ARSK: variants seen among roughly 807,000 people sequenced by gnomAD.
The protein encoded by ARSK is arylsulfatase family member K, also known as arylsulfatase K.
ARSK carries 37 observed loss-of-function variants against 53.2 expected under a neutral mutation model. The observed-to-expected ratio is 0.70, with a 90% CI of 0.54 to 0.92. The LOEUF (loss-of-function observed/expected upper bound fraction) is 0.92. Ranked by LOEUF, ARSK falls within the 40% of genes least tolerant of loss-of-function variation. The probability of loss-of-function intolerance (pLI) is 0.00; values close to 1 mark genes in which losing one functional copy is unlikely to be tolerated. For missense variants in ARSK, 613 were observed against 643.0 expected, an observed-to-expected ratio of 0.95 and a Z score of 0.51; for synonymous variants, 208 against 223.2, an observed-to-expected ratio of 0.93 and a Z score of 0.61.
At chr5:95,592,514 A>G (rs1749235921) in intron 6 of ARSK, among the ~76,000 whole-genome samples, 1 of 152,048 alleles carries the variant, frequency 6.6e-6, no homozygotes, top group African/African-American at 2.4e-5. Context: ...CCCTTCTCAT[A>G]TAATTACACA....
intron 5 of ARSK, among the ~76,000 whole-genome samples, 154 bp downstream of exon 5, chr5:95,586,887 T>A (rs901167157): frequency 2.6e-5 from 4 of 152,200 alleles, no homozygotes; most frequent in African/African-American, 9.7e-5. Context: ...GCGTTATTGA[T>A]AGAATGAAAA....
intron 5 of ARSK, among the ~76,000 whole-genome samples, chr5:95,587,444 T>C (rs534243617): frequency 1.3e-5 from 2 of 152,218 alleles, no homozygotes; most frequent in Non-Finnish European, 2.9e-5. Context: ...AGCATAATTG[T>C]ACTAGTGAAG....
intron 3 of ARSK, 147 bp from the exon 4 acceptor site, chr5:95,582,769 C>T: frequency 1.4e-6 from 1 of 702,854 alleles, no homozygotes; most frequent in Non-Finnish European, 2.1e-6. Context: ...CAATAACTTT[C>T]TTTTTGAGAT....
At chr5:95,582,467 T>G (rs957838352) in intron 3 of ARSK, among the ~76,000 whole-genome samples, 3 of 152,078 alleles carry the variant, frequency 2.0e-5, no homozygotes, top group Non-Finnish European at 4.4e-5. Flanking sequence ...ACCTGAAACT[T>G]CAGCAACACA....
At chr5:95,581,647 A>G (rs1749021469) in intron 3 of ARSK, among the ~76,000 whole-genome samples, 1 of 152,196 alleles carries the variant, frequency 6.6e-6, no homozygotes, top group East Asian at 1.9e-4. Context: ...TTCTCTCAAA[A>G]TCTGAGTTCT....
At chr5:95,580,475 A>T (rs562297956) in intron 3 of ARSK, among the ~76,000 whole-genome samples, 34 of 152,322 alleles carry the variant, frequency 2.2e-4, no homozygotes, top group Admixed American at 3.9e-4. Context: ...TAGTAGAGAG[A>T]ATTATAATGT....
intron 4 of ARSK, among the ~76,000 whole-genome samples, chr5:95,584,254 TA>T (rs1351360080): frequency 1.3e-5 from 2 of 152,238 alleles, no homozygotes; most frequent in Non-Finnish European, 1.5e-5. Flanking sequence ...TGACACATTT[TA>T]AAAGAAACAA....
intron 1 of ARSK, chr5:95,556,528 C>G (rs183550209): frequency 2.8e-6 from 1 of 355,730 alleles, no homozygotes; most frequent in African/African-American, 2.1e-5. Flanking sequence ...GTGGGCTGCT[C>G]CTAGAATGGG....
At chr5:95,565,266 A>G (rs748144261) in intron 1 of ARSK, among the ~76,000 whole-genome samples, 9 of 152,044 alleles carry the variant, frequency 5.9e-5, no homozygotes, top group African/African-American at 2.2e-4. Context: ...TTTTTTTTGT[A>G]GAAACAGGGT....
chr5:95,568,067 A>G lies in ARSK; in HGVS notation c.416+18A>G. ...TCCATTAGGTAAAAATAAAACAAAA[A>G]TAATCATCATGGACTGCCCTCTGCC... On this transcript the variant is annotated intron_variant, in intron 3 of 7. Coordinates refer to ENST00000380009, the MANE Select transcript of ARSK (RefSeq NM_198150.3). The G allele has an allele frequency of 6.2e-7, 1 of 1,610,980 alleles. No individual in the cohort carries two copies. Among genetic ancestry groups the G allele is most frequent in the African/African-American group, 1.3e-5 (1 of 74,766 alleles).
In ARSK at chr5:95,603,395, A is replaced by C. The variant is rs1328367864; in HGVS notation, c.1480A>C (p.Ser494Arg). 2 of 1,613,688 alleles carry C rather than the reference A, an allele frequency of 1.2e-6. No individual in the cohort carries two copies. The highest frequency in any genetic ancestry group is 1.7e-6 in the Non-Finnish European group (2 of 1,179,826). The change falls in exon 8 of 8, where the codon AGT becomes CGT. Residue 494 changes from serine to arginine, a missense_variant. Ser to Arg is a moderately radical substitution (Grantham distance 110, BLOSUM62 -1). Coordinates refer to ENST00000380009, the MANE Select transcript of ARSK (RefSeq NM_198150.3). ...AGAGCAGTTTATCAAGTGGAAACAA[A>C]GTATAGGACAGAATTATTCAAACGT... ...NKEQFIKWKQSIGQNYSNVIA... is the reference protein window; with the variant it reads ...NKEQFIKWKQRIGQNYSNVIA...
intron 1 of ARSK, among the ~76,000 whole-genome samples, chr5:95,557,395 A>G (rs1192887561): frequency 6.6e-6 from 1 of 152,214 alleles, no homozygotes; most frequent in Non-Finnish European, 1.5e-5. Context: ...TTTGATTTTT[A>G]TACTTATATC....
At chr5:95,600,795 G>C in intron 6 of ARSK, 52 bp from the exon 7 acceptor site, 1 of 1,472,910 alleles carries the variant, frequency 6.8e-7, no homozygotes, top group Non-Finnish European at 9.5e-7. Context: ...TGAATGTTCA[G>C]CTAATAAAAG....
intron 3 of ARSK, among the ~76,000 whole-genome samples, chr5:95,570,242 C>G (rs1748802424): frequency 6.6e-6 from 1 of 152,214 alleles, no homozygotes; most frequent in Non-Finnish European, 1.5e-5. Context: ...CTGTCTACCT[C>G]CAGTCTCATT....
At position 95,583,212 on chromosome 5, in the gene ARSK, T is replaced by C. The variant is rs753891222; in HGVS notation, c.699+14T>C. On this transcript the variant is annotated intron_variant, in intron 4 of 7. Transcript: ENST00000380009. ...TGGCTTGAAAAAGTAAGTAACTACA[T>C]TGTGTGTGCTCAAAAGTAGATTTAT... 2.0e-6 allele frequency: 3 copies of C among 1,512,630 alleles called. No individual in the cohort carries two copies. Among genetic ancestry groups the C allele is most frequent in the Non-Finnish European group, 2.7e-6 (3 of 1,123,688 alleles). 93.7% of individuals were successfully genotyped at this position (1,512,630 alleles called of 1,614,324 possible).
Position 95,567,717 on chromosome 5 carries a change from C to T in ARSK, c.257-173C>T, listed in dbSNP as rs146715387. ...AATAGTAACTCCCCACAGAGTATCA[C>T]TCTGATAAAATGAGGTAACAATCAG... On this transcript the variant is annotated intron_variant, in intron 2 of 7. Transcript: ENST00000380009. Among the ~76,000 whole-genome samples, 334 of 152,304 alleles carry T rather than the reference C, an allele frequency of 2.2e-3. 2 individuals are homozygous for T. The highest frequency in any genetic ancestry group is 7.1e-3 in the African/African-American group (297 of 41,568).
chr5:95,587,516 TA>T (rs952997642), intron 5 of ARSK, among the ~76,000 whole-genome samples: 24 of 151,230 alleles, frequency 1.6e-4, no homozygotes, highest in African/African-American at 3.9e-4. Context: ...TGTTTTTTGT[TA>T]AAAAAAAATT....
intron 1 of ARSK, among the ~76,000 whole-genome samples, chr5:95,557,484 G>A (rs1748543947): frequency 6.6e-6 from 1 of 152,264 alleles, no homozygotes; most frequent in Admixed American, 6.5e-5. Flanking sequence ...CATATAATAT[G>A]TATATATCAA....
At chr5:95,580,959 C>A in intron 3 of ARSK, 1 of 1,274,314 alleles carries the variant, frequency 7.8e-7, no homozygotes, top group Non-Finnish European at 1.0e-6. Context: ...ATACCTTTTG[C>A]CTTTAACCAT....
Sources: allele counts gnomAD v4.1 joint callset (sites outside exome capture counted in the v4.1 genomes callset), GRCh38; gene constraint gnomAD v4.1.1; transcripts MANE v1.5; gene names NCBI Gene and HGNC (gene_info 2026-07-23, HGNC 2026-07-21).